Variants in DNAAF9 observed in about 807,000 individuals in gnomAD.
DNAAF9 encodes the protein shulin.
Under a neutral mutation model 167.0 loss-of-function variants are expected in DNAAF9, and 90 were observed. The observed-to-expected ratio is 0.54, with a 90% CI of 0.45 to 0.64. The LOEUF (loss-of-function observed/expected upper bound fraction) is 0.64. Among genes scored for constraint, DNAAF9 ranks in the 30% least tolerant of loss-of-function variants. The pLI is 0.00. For missense variants in DNAAF9, 1,315 were observed against 1,442.2 expected (o/e 0.91, Z 1.43); for synonymous variants, 491 against 508.8 (o/e 0.96, Z 0.47).
rs1363713962 is a variant in DNAAF9, at chr20:3,259,471, C to T, written c.3055+9G>A. ...GGTGTAGAGCTCCCAAATCCCAGCC[C>T]CTGGTTACCTGAAAACTTCACTTTG... On this transcript the variant is annotated intron_variant, in intron 33 of 36. Coordinates refer to ENST00000252032, the MANE Select transcript of DNAAF9 (RefSeq NM_001009984.3). 6.9e-7 allele frequency: 1 copy of T among 1,453,976 alleles called. No individual in the cohort carries two copies. The highest frequency in any genetic ancestry group is 9.3e-7 in the Non-Finnish European group (1 of 1,079,628). 90.1% of individuals were successfully genotyped at this position (1,453,976 alleles called of 1,614,324 possible).
At chr20:3,283,596 G>C (rs548227669) in intron 27 of DNAAF9, among the ~76,000 whole-genome samples, 1 of 152,184 alleles carries the variant, frequency 6.6e-6, no homozygotes, top group Non-Finnish European at 1.5e-5. Flanking sequence ...CCCACAACAC[G>C]CACTGCCAGG....
At chr20:3,308,257 ACATTCTGTTC>A (rs1332369594) in intron 20 of DNAAF9, among the ~76,000 whole-genome samples, 1 of 151,886 alleles carries the variant, frequency 6.6e-6, no homozygotes, top group Non-Finnish European at 1.5e-5. Flanking sequence ...ACTTCTCCTG[ACATTCTGTTC>A]CTGAATGTGA....
At chr20:3,254,880 A>G (rs1324375620) in intron 35 of DNAAF9, among the ~76,000 whole-genome samples, 1 of 152,152 alleles carries the variant, frequency 6.6e-6, no homozygotes, top group African/African-American at 2.4e-5. Flanking sequence ...GGATCCAGAC[A>G]GTTTTTGCCT....
intron 10 of DNAAF9, 95 bp from the exon 11 acceptor site, chr20:3,332,456 T>TTA: frequency 1.5e-6 from 1 of 651,428 alleles, no homozygotes; most frequent in Non-Finnish European, 2.7e-6. Context: ...GAAATAAATT[T>TTA]TCTTTTTTTT....
rs11087581 is a variant in DNAAF9, at chr20:3,383,271, C to CTTT, written c.84-768_84-766dup. On this transcript the variant is annotated intron_variant, in intron 1 of 36. Transcript: ENST00000252032. ...TGCCTCTAATACTCATTCCCTAACA[C>CTTT]TTTTTTTTTTTTTTTTTTTTGAGAT... Among the ~76,000 whole-genome samples the CTTT allele has an allele frequency of 4.7e-4, 54 of 114,352 alleles. 2 individuals carry two copies. The highest frequency in any genetic ancestry group is 1.4e-3 in the African/African-American group (41 of 29,020). The allele number at this position is 114,352 out of a possible 152,430, so 75.0% of individuals were successfully genotyped here.
intron 31 of DNAAF9, among the ~76,000 whole-genome samples, chr20:3,262,968 T>TC (rs2068420480): frequency 1.3e-5 from 1 of 78,744 alleles, no homozygotes; most frequent in Admixed American, 1.1e-4. Flanking sequence ...AGCAGATCTT[T>TC]TTTTTTTTTT....
At chr20:3,289,573 G>A (rs773274615) in intron 26 of DNAAF9, among the ~76,000 whole-genome samples, 3 of 152,138 alleles carry the variant, frequency 2.0e-5, no homozygotes, top group Non-Finnish European at 2.9e-5. Flanking sequence ...AGGCTGGGAT[G>A]CAGTGGCGCA....
chr20:3,271,643 C>T (rs1330052408), intron 29 of DNAAF9, among the ~76,000 whole-genome samples: 3 of 144,694 alleles, frequency 2.1e-5, no homozygotes, highest in East Asian at 2.0e-4. Context: ...TTTTTTGAGA[C>T]GGAGTTTCAC....
rs1427903686 is a variant in DNAAF9, at chr20:3,386,763, G to GT, written c.84-4258dup. ...CATAAAGAACTCTCAAAACTCAATGGTAAAAAAAAAAAAATCCAATTAGAA... is the reference window on the plus strand; with the variant it reads ...CATAAAGAACTCTCAAAACTCAATGGTTAAAAAAAAAAAAATCCAATTAGAA... On this transcript the variant is annotated intron_variant, in intron 1 of 36. Coordinates refer to ENST00000252032, the MANE Select transcript of DNAAF9 (RefSeq NM_001009984.3). Among the ~76,000 whole-genome samples the GT allele has an allele frequency of 2.7e-5, 4 of 148,952 alleles. No homozygotes were observed. In the East Asian group the frequency reaches 5.8e-4, roughly 22 times the overall value.
chr20:3,328,188 T>TG (rs2069749352), intron 12 of DNAAF9, among the ~76,000 whole-genome samples: 1 of 138,776 alleles, frequency 7.2e-6, no homozygotes, highest in Non-Finnish European at 1.6e-5. Context: ...GCTCTGTTTT[T>TG]TTTTTTTTTT....
At chr20:3,405,446 A>G (rs2084042489) in intron 1 of DNAAF9, among the ~76,000 whole-genome samples, 1 of 152,214 alleles carries the variant, frequency 6.6e-6, no homozygotes, top group South Asian at 2.1e-4. Context: ...AAAGGCTTGA[A>G]TGGGCAAGAA....
rs2083388555 is a variant in DNAAF9 at position 3,363,339 on chromosome 20, C to A, written c.613-3746G>T. Among the ~76,000 whole-genome samples, 3 of 151,408 alleles carry A rather than the reference C, an allele frequency of 2.0e-5. 1 individual carries two copies. Among genetic ancestry groups the A allele is most frequent in the South Asian group, 2.1e-4 (1 of 4,792 alleles). ...TCTGGCCAGGCGTGGTGGCTCACAC[C>A]TGTAATCCCAGCTACTTAGGAGGCT... On this transcript the variant is annotated intron_variant, in intron 6 of 36. Coordinates refer to ENST00000252032, the MANE Select transcript of DNAAF9 (RefSeq NM_001009984.3).
intron 7 of DNAAF9, among the ~76,000 whole-genome samples, chr20:3,358,193 G>A (rs2083314262): frequency 6.6e-6 from 1 of 151,802 alleles, no homozygotes; most frequent in African/African-American, 2.4e-5. Flanking sequence ...GTTTTCTGGG[G>A]GGATTTAGGG....
chr20:3,383,142 AT>A (rs2123249275), intron 1 of DNAAF9, among the ~76,000 whole-genome samples: 1 of 152,090 alleles, frequency 6.6e-6, no homozygotes, highest in Admixed American at 6.5e-5. Context: ...CATTCTCTCC[AT>A]GCCCATCCCC....
intron 16 of DNAAF9, among the ~76,000 whole-genome samples, chr20:3,319,824 A>G (rs1365972005): frequency 2.0e-5 from 3 of 152,212 alleles, no homozygotes; most frequent in African/African-American, 7.2e-5. Context: ...GTAGGCGTCT[A>G]TATTTGAATT....
At chr20:3,275,799 C>T (rs1034237517) in intron 29 of DNAAF9, among the ~76,000 whole-genome samples, 1 of 152,134 alleles carries the variant, frequency 6.6e-6, no homozygotes, top group Non-Finnish European at 1.5e-5. Flanking sequence ...GGGCTGTGAG[C>T]GAGCAGACAG....
chr20:3,387,012 G>A (rs1188675597), intron 1 of DNAAF9, among the ~76,000 whole-genome samples: 1 of 152,188 alleles, frequency 6.6e-6, no homozygotes, highest in Non-Finnish European at 1.5e-5. Context: ...AGAAATTACA[G>A]AAGACAGCAA....
At chr20:3,302,809 T>C (rs1275115904) in intron 21 of DNAAF9, among the ~76,000 whole-genome samples, 1 of 151,914 alleles carries the variant, frequency 6.6e-6, no homozygotes, top group East Asian at 1.9e-4. Flanking sequence ...AAAAAGGGCA[T>C]GAGAAAACAT....
chr20:3,362,701 CA>C (rs1401297570), intron 6 of DNAAF9, among the ~76,000 whole-genome samples: 2 of 152,160 alleles, frequency 1.3e-5, no homozygotes, highest in Admixed American at 1.3e-4. Context: ...CAAACATTGT[CA>C]AATGTCTAGG....
Sources: allele counts gnomAD v4.1 joint callset (sites outside exome capture counted in the v4.1 genomes callset), GRCh38; gene constraint gnomAD v4.1.1; transcripts MANE v1.5; gene names NCBI Gene and HGNC (gene_info 2026-07-23, HGNC 2026-07-21).